Variants in EDA observed in about 807,000 individuals in gnomAD.
EDA encodes ectodysplasin A.
In EDA, 2 loss-of-function variants were observed where a neutral mutation model predicts 23.6. That is an observed-to-expected ratio of 0.08 (90% CI 0.03 to 0.27). The LOEUF (loss-of-function observed/expected upper bound fraction) is 0.27. EDA is among the 10% of genes least tolerant of loss of function. The pLI is 1.00. For synonymous variants in EDA, 131 were observed against 132.0 expected (o/e 0.99, Z 0.05); for missense variants, 229 against 324.2 (o/e 0.71, Z 2.26).
intron 1 of EDA, among the ~76,000 whole-genome samples, chrX:69,742,144 G>C (rs1188902476): frequency 8.9e-6 from 1 of 111,761 alleles, no homozygotes; most frequent in Non-Finnish European, 1.9e-5. Context: ...GGGTATTTGA[G>C]GCCCAGTATT....
At chrX:69,952,308 G>A (rs955959074) in intron 1 of EDA, among the ~76,000 whole-genome samples, 5 of 112,199 alleles carry the variant, frequency 4.5e-5, no homozygotes, top group Admixed American at 9.5e-5. Context: ...ACAGTTCTCC[G>A]TGGCTGGGGA....
chrX:69,717,930 C>G (rs1004459108), intron 1 of EDA, among the ~76,000 whole-genome samples: 3 of 111,501 alleles, frequency 2.7e-5, no homozygotes, highest in East Asian at 5.7e-4. Context: ...AGTGAGTTAT[C>G]ATGAGATATG....
chrX:69,649,447 T>A (rs947318437), intron 1 of EDA, among the ~76,000 whole-genome samples: 1 of 112,077 alleles, frequency 8.9e-6, no homozygotes, highest in African/African-American at 3.2e-5. Context: ...GACTGACAAA[T>A]GTATAAGGTA....
At chrX:69,758,590 T>G (rs758995828) in intron 1 of EDA, among the ~76,000 whole-genome samples, 40 of 112,200 alleles carry the variant, frequency 3.6e-4, no homozygotes, top group East Asian at 5.6e-4. Context: ...TCCCAGCACT[T>G]TGGGAGGCTG....
At chrX:69,876,440 AAAT>A (rs1367103945) in intron 1 of EDA, among the ~76,000 whole-genome samples, 7 of 111,103 alleles carry the variant, frequency 6.3e-5, no homozygotes, top group African/African-American at 9.8e-5. Flanking sequence ...ATACAATAAA[AAAT>A]AATAAAAAAA....
intron 1 of EDA, among the ~76,000 whole-genome samples, chrX:69,878,864 C>G (rs975320129): frequency 9.1e-6 from 1 of 110,232 alleles, no homozygotes; most frequent in African/African-American, 3.3e-5. Context: ...TTCTTGCCTC[C>G]GTCGGCAACA....
intron 1 of EDA, among the ~76,000 whole-genome samples, chrX:69,931,387 A>G (rs1297129258): frequency 8.9e-6 from 1 of 112,044 alleles, no homozygotes; most frequent in African/African-American, 3.2e-5. Context: ...ATACTTTTAA[A>G]TGGAAGAAAG....
At chrX:69,824,147 G>C (rs2016333157) in intron 1 of EDA, among the ~76,000 whole-genome samples, 1 of 107,968 alleles carries the variant, frequency 9.3e-6, no homozygotes, top group Admixed American at 1.0e-4. Flanking sequence ...CTCCAGCTTT[G>C]TTCTTTTGGC....
rs1050956120 is a variant in EDA at position 70,017,514 on chromosome X, G to C, written c.503-5704G>C. Among the ~76,000 whole-genome samples the C allele has an allele frequency of 4.5e-5, 5 of 112,109 alleles. No homozygotes were observed. In the South Asian group the frequency reaches 1.1e-3, roughly 25 times the overall value. On this transcript the variant is annotated intron_variant, in intron 2 of 7. Transcript: ENST00000374552. ...AAGCTAAGCCACCACAATCAAGTAG[G>C]CTTTATCCCTGGAATGCAAGGTTTG...
At chrX:69,874,029 C>T (rs773018793) in intron 1 of EDA, among the ~76,000 whole-genome samples, 2 of 112,000 alleles carry the variant, frequency 1.8e-5, no homozygotes, top group Admixed American at 9.4e-5. Context: ...ATATGTAAGT[C>T]GCTGGGCACG....
At position 69,904,426 on chromosome X, in the gene EDA, C is replaced by T. The variant is rs771338961; in HGVS notation, c.397-52601C>T. Among the ~76,000 whole-genome samples, 4 of 110,135 alleles carry T rather than the reference C, an allele frequency of 3.6e-5. No individual in the cohort carries two copies. The Admixed American group carries it at 3.9e-4, about 11-fold the overall frequency. On this transcript the variant is annotated intron_variant, in intron 1 of 7. Transcript: ENST00000374552. ...AGTGCAGTGGCACATTCATGGCTCA[C>T]TGCAGCCTTGAACTCTTGGGCTCAA... is the stretch of plus-strand genomic sequence containing the variant.
At chrX:69,922,712 T>A (rs989080077) in intron 1 of EDA, among the ~76,000 whole-genome samples, 4 of 111,817 alleles carry the variant, frequency 3.6e-5, no homozygotes, top group Non-Finnish European at 7.5e-5. Flanking sequence ...TGCTACCTTT[T>A]TATAAATGTG....
intron 1 of EDA, among the ~76,000 whole-genome samples, chrX:69,641,129 GT>G (rs1395614119): frequency 6.6e-5 from 7 of 105,988 alleles, no homozygotes; most frequent in East Asian, 2.9e-4. Context: ...TTCGTTTGTT[GT>G]TTTTTTTTTC....
At position 69,616,144 on chromosome X, in the gene EDA, A is replaced by C. The variant is rs775815089; in HGVS notation, c.-165A>C. 1.3e-5 allele frequency: 6 copies of C among 466,509 alleles called. No homozygotes were observed. The highest frequency in any genetic ancestry group is 3.5e-6 in the Non-Finnish European group (1 of 285,401). 38.4% of individuals were successfully genotyped at this position (466,509 alleles called of 1,213,427 possible). A position where few individuals can be genotyped will look rare whatever the true frequency, so the allele number is the denominator to read the frequency against. ...CCCACCCCTCGGAGTAGAGCTGCAC[A>C]TGCGGCTGCTCCCTGCTCCGTCCCG... On this transcript the variant is annotated 5_prime_UTR_variant, in exon 1 of 8. It removes an upstream start codon present in the reference 5' UTR. Transcript: ENST00000374552.
chrX:69,913,318 G>A (rs773175476), intron 1 of EDA, among the ~76,000 whole-genome samples: 8 of 112,348 alleles, frequency 7.1e-5, no homozygotes, highest in Admixed American at 3.8e-4. Context: ...CAATTGTCTT[G>A]GCTAGATTTT....
chrX:69,714,324 G>A (rs2012224218), intron 1 of EDA, among the ~76,000 whole-genome samples: 1 of 110,549 alleles, frequency 9.0e-6, no homozygotes. Flanking sequence ...TATGTGGTTT[G>A]GAAATATTTT....
intron 2 of EDA, among the ~76,000 whole-genome samples, chrX:69,993,748 C>T (rs2019621332): frequency 8.9e-6 from 1 of 111,972 alleles, no homozygotes. Flanking sequence ...TACTTGTTTG[C>T]ACTCCTGACT....
At chrX:69,751,857 A>G (rs1424767477) in intron 1 of EDA, among the ~76,000 whole-genome samples, 4 of 107,828 alleles carry the variant, frequency 3.7e-5, no homozygotes, top group African/African-American at 1.0e-4. Flanking sequence ...TTATAACAGA[A>G]CAGAATCCTG....
At chrX:69,965,732 A>C in intron 2 of EDA, among the ~76,000 whole-genome samples, 1 of 112,508 alleles carries the variant, frequency 8.9e-6, no homozygotes, top group African/African-American at 3.2e-5. Context: ...CTACCAGTTT[A>C]AAATAAACAG....
Sources: allele counts gnomAD v4.1 joint callset (sites outside exome capture counted in the v4.1 genomes callset), GRCh38; gene constraint gnomAD v4.1.1; transcripts MANE v1.5; gene names NCBI Gene and HGNC (gene_info 2026-07-23, HGNC 2026-07-21).